Variants in VPS8 observed in about 807,000 individuals in gnomAD.
The protein encoded by VPS8 is VPS8 subunit of CORVET complex, also known as vacuolar protein sorting-associated protein 8 homolog.
A neutral mutation model predicts 216.4 loss-of-function variants in VPS8; 129 were observed. The ratio of observed to expected loss-of-function variants is 0.60; its 90% CI spans 0.52 to 0.69. The LOEUF is 0.69. Among genes scored for constraint, VPS8 ranks in the 30% least tolerant of loss-of-function variants. VPS8 has a pLI of 0.00. For missense variants in VPS8, 1,531 were observed against 1,683.5 expected (o/e 0.91, Z 1.59); for synonymous variants, 571 against 565.4 (o/e 1.01, Z -0.14).
At position 185,048,419 on chromosome 3, in the gene VPS8, C is replaced by G. The variant is rs1183771292; in HGVS notation, c.4057-60C>G. On this transcript the variant is annotated intron_variant, in intron 46 of 47. Coordinates refer to ENST00000625842, the MANE Select transcript of VPS8 (RefSeq NM_001009921.3). ...TGTTATGCTTCAGCATCGTGTAGAG[C>G]AAGTTGAGAGGCTGCCTAGCCACGT... 2.0e-6 allele frequency: 3 copies of G among 1,523,740 alleles called. No homozygotes were observed. The Admixed American group carries it at 5.0e-5, about 26-fold the overall frequency. The allele number at this position is 1,523,740 out of a possible 1,614,324, so 94.4% of individuals were successfully genotyped here.
chr3:184,970,239 A>C (rs763147898), intron 39 of VPS8, among the ~76,000 whole-genome samples: 1 of 152,140 alleles, frequency 6.6e-6, no homozygotes, highest in Non-Finnish European at 1.5e-5. Context: ...CAATTTTGAT[A>C]GTGTGCTTAA....
At chr3:184,920,008 G>A (rs1227473733) in intron 28 of VPS8, 119 bp from the exon 29 acceptor site, 2 of 720,116 alleles carry the variant, frequency 2.8e-6, no homozygotes, top group Non-Finnish European at 4.5e-6. Flanking sequence ...AAAACCTAAT[G>A]AGGAATAGTT....
At chr3:185,025,449 GT>G (rs1757211443) in intron 46 of VPS8, among the ~76,000 whole-genome samples, 1 of 152,190 alleles carries the variant, frequency 6.6e-6, no homozygotes, top group Admixed American at 6.5e-5. Flanking sequence ...CTAACAGGAG[GT>G]TTTAGCTTCA....
rs59791657 is a variant in VPS8, at chr3:184,860,468, TACACACACACAC to T, written c.1224+425_1224+436del. On this transcript the variant is annotated intron_variant, in intron 15 of 47. Transcript: ENST00000625842. The stretch of plus-strand genomic sequence containing the variant: ...ATGTATATGTATGTATACACACACA[TACACACACACAC>T]ACACACACACACACACACACAGAAA... Among the ~76,000 whole-genome samples the T allele has an allele frequency of 3.4e-5, 5 of 147,210 alleles. 1 individual carries two copies. The highest frequency in any genetic ancestry group is 4.3e-4 in the South Asian group (2 of 4,628).
At chr3:184,980,122 A>G (rs2109731803) in intron 40 of VPS8, among the ~76,000 whole-genome samples, 1 of 152,236 alleles carries the variant, frequency 6.6e-6, no homozygotes, top group South Asian at 2.1e-4. Flanking sequence ...ATAAGCCCCC[A>G]ATCCCTTCTG....
At chr3:184,979,397 A>G (rs567317364) in intron 40 of VPS8, among the ~76,000 whole-genome samples, 3 of 152,114 alleles carry the variant, frequency 2.0e-5, no homozygotes, top group African/African-American at 7.2e-5. Flanking sequence ...CTGTTAGTGG[A>G]GTATTGAAGT....
At chr3:184,862,410 A>G (rs1452395782) in intron 15 of VPS8, among the ~76,000 whole-genome samples, 4 of 152,238 alleles carry the variant, frequency 2.6e-5, no homozygotes, top group African/African-American at 9.6e-5. Flanking sequence ...AAGGACTCTC[A>G]TAATTTTAAG....
chr3:184,816,787 C>T (rs1029624581), intron 1 of VPS8, among the ~76,000 whole-genome samples: 21 of 152,078 alleles, frequency 1.4e-4, no homozygotes, highest in African/African-American at 5.1e-4. Context: ...ACGTGAACTG[C>T]TTGGGTGTGA....
At chr3:184,875,425 C>T (rs1330856296) in intron 21 of VPS8, among the ~76,000 whole-genome samples, 4 of 151,954 alleles carry the variant, frequency 2.6e-5, no homozygotes, top group Admixed American at 2.0e-4. Flanking sequence ...TTTTATTTAT[C>T]TGAGAAAAGA....
Position 184,834,633 on chromosome 3 carries a change from T to C in VPS8, c.354-16T>C, listed in dbSNP as rs1720685894. 2 of 1,505,876 alleles carry C rather than the reference T, an allele frequency of 1.3e-6. No homozygotes were observed. Among genetic ancestry groups the C allele is most frequent in the South Asian group, 2.6e-5 (2 of 78,172 alleles). 93.3% of individuals were successfully genotyped at this position (1,505,876 alleles called of 1,614,324 possible). ...ATTTTTATCTGTTTTTAAATGTTTT[T>C]CTTTTTTTTTTTCAGGAAGAAGAAA... On this transcript the variant is annotated splice_polypyrimidine_tract_variant and intron_variant, in intron 4 of 47. Transcript: ENST00000625842.
chr3:184,964,358 T>G (rs1747035473), intron 37 of VPS8, 110 bp from the exon 38 acceptor site: 1 of 545,606 alleles, frequency 1.8e-6, no homozygotes, highest in Non-Finnish European at 2.9e-6. Flanking sequence ...ATCATACTAA[T>G]AAGGTATAAA....
intron 35 of VPS8, 77 bp downstream of exon 35, chr3:184,936,412 G>T: frequency 2.3e-6 from 3 of 1,279,824 alleles, no homozygotes; most frequent in Non-Finnish European, 3.3e-6. Context: ...AAGAAGTTTT[G>T]ATTGTAGTGA....
chr3:184,902,095 A>G (rs1734591183), intron 25 of VPS8, among the ~76,000 whole-genome samples: 1 of 145,806 alleles, frequency 6.9e-6, no homozygotes, highest in East Asian at 2.0e-4. Context: ...TCTTTTGTGA[A>G]TTGTTTAAAT....
chr3:184,816,832 A>G (rs1716425498), intron 1 of VPS8, among the ~76,000 whole-genome samples: 1 of 152,128 alleles, frequency 6.6e-6, no homozygotes, highest in Non-Finnish European at 1.5e-5. Flanking sequence ...ACAGCAGCTG[A>G]CCATCTCCTA....
At chr3:184,920,002 C>T (rs2109127550) in intron 28 of VPS8, 125 bp from the exon 29 acceptor site, 1 of 686,942 alleles carries the variant, frequency 1.5e-6, no homozygotes, top group Non-Finnish European at 2.4e-6. Flanking sequence ...TAAGACAAAA[C>T]CTAATGAGGA....
At chr3:184,844,548 CCTT>C (rs1722766705) in intron 8 of VPS8, among the ~76,000 whole-genome samples, 1 of 152,162 alleles carries the variant, frequency 6.6e-6, no homozygotes. Context: ...GTAGGTATTT[CCTT>C]CTTTGAGAAA....
At chr3:185,034,307 T>A (rs956123835) in intron 46 of VPS8, among the ~76,000 whole-genome samples, 1 of 152,210 alleles carries the variant, frequency 6.6e-6, no homozygotes, top group African/African-American at 2.4e-5. Flanking sequence ...TGATTACACG[T>A]CCTTGCTATT....
At chr3:184,975,494 A>G (rs1749106589) in intron 40 of VPS8, among the ~76,000 whole-genome samples, 1 of 152,110 alleles carries the variant, frequency 6.6e-6, no homozygotes, top group Non-Finnish European at 1.5e-5. Context: ...GTCATTTTCA[A>G]ATAAGGACAG....
At chr3:184,847,970 T>TG (rs1229982776) in intron 8 of VPS8, among the ~76,000 whole-genome samples, 1 of 152,196 alleles carries the variant, frequency 6.6e-6, no homozygotes, top group Non-Finnish European at 1.5e-5. Flanking sequence ...TGGAGTGCAG[T>TG]GGCATGATCT....
Sources: gnomAD v4.1 joint callset for allele counts (sites outside exome capture counted in the v4.1 genomes callset) on GRCh38, gnomAD v4.1.1 for gene constraint, MANE v1.5 for transcripts, NCBI Gene and HGNC (gene_info 2026-07-23, HGNC 2026-07-21) for gene names.